AHRR: variants seen among roughly 807,000 people sequenced by gnomAD.
AHRR encodes aryl hydrocarbon receptor repressor.
Under a neutral mutation model 44.0 loss-of-function variants are expected in AHRR, and 28 were observed. That is an observed-to-expected ratio of 0.64 (90% confidence interval 0.47 to 0.87). The LOEUF is 0.87. Among genes scored for constraint, AHRR ranks in the 40% least tolerant of loss-of-function variants. The pLI is 0.00. For missense variants in AHRR, 990 were observed against 953.9 expected (o/e 1.04, Z -0.50); for synonymous variants, 434 against 407.0 (o/e 1.07, Z -0.80).
At chr5:430,742 C>T (rs1736685932) in intron 8 of AHRR, among the ~76,000 whole-genome samples, 1 of 152,230 alleles carries the variant, frequency 6.6e-6, no homozygotes, top group South Asian at 2.1e-4. Context: ...TGCCTGGGCC[C>T]TGCTAGCCCC....
intron 4 of AHRR, among the ~76,000 whole-genome samples, chr5:397,955 CT>C (rs1426557409): frequency 7.8e-6 from 1 of 128,914 alleles, no homozygotes; most frequent in African/African-American, 3.0e-5. Flanking sequence ...CACGTAGCCC[CT>C]GACCATCCAC....
intron 5 of AHRR, among the ~76,000 whole-genome samples, chr5:417,085 C>A (rs188405522): frequency 3.9e-5 from 4 of 102,244 alleles, no homozygotes; most frequent in African/African-American, 1.2e-4. Flanking sequence ...TAGAGAAGGC[C>A]GCTTGGTCCG....
Position 323,746 on chromosome 5 carries a change from G to A in AHRR, c.-11+1927G>A, listed in dbSNP as rs566848282. Reference sequence around the variant, plus strand: ...TTTGCAATGCAGTTGGAGAGATGCCGCCGGGTGGCCCTGACCAGTGTTAAG... The same window carrying A: ...TTTGCAATGCAGTTGGAGAGATGCCACCGGGTGGCCCTGACCAGTGTTAAG... On this transcript the variant is annotated intron_variant, in intron 1 of 10. Coordinates refer to ENST00000684583, the MANE Select transcript of AHRR (RefSeq NM_001377236.1). 8.9e-4 allele frequency among the ~76,000 whole-genome samples: 136 copies of A among 152,306 alleles called. 1 individual carries two copies. The highest frequency in any genetic ancestry group is 3.1e-3 in the African/African-American group (128 of 41,572).
intron 4 of AHRR, among the ~76,000 whole-genome samples, chr5:407,486 G>T (rs1179863923): frequency 1.3e-5 from 2 of 152,126 alleles, no homozygotes; most frequent in Non-Finnish European, 2.9e-5. Flanking sequence ...GTTTGTAAAG[G>T]TTATGGGTAT....
chr5:391,417 G>C (rs567741731), intron 4 of AHRR, among the ~76,000 whole-genome samples: 19 of 115,650 alleles, frequency 1.6e-4, no homozygotes, highest in Non-Finnish European at 8.2e-5. Flanking sequence ...GGGCCAGAGC[G>C]TGCACGGGGG....
chr5:426,225 A>G (rs28651705), intron 7 of AHRR, among the ~76,000 whole-genome samples: 6 of 151,954 alleles, frequency 3.9e-5, no homozygotes, highest in African/African-American at 1.4e-4. Flanking sequence ...TGAATGGATG[A>G]ATGGATGGTT....
At chr5:407,352 G>A (rs1735305970) in intron 4 of AHRR, among the ~76,000 whole-genome samples, 1 of 152,056 alleles carries the variant, frequency 6.6e-6, no homozygotes, top group Non-Finnish European at 1.5e-5. Flanking sequence ...GAGATGTTTT[G>A]AAGTTTTCTT....
At chr5:424,971 G>T (rs1192226003) in intron 7 of AHRR, among the ~76,000 whole-genome samples, 1 of 152,194 alleles carries the variant, frequency 6.6e-6, no homozygotes, top group East Asian at 1.9e-4. Context: ...CTGGGTCATG[G>T]CCCCTCAGAG....
intron 1 of AHRR, chr5:343,664 C>T: frequency 2.0e-6 from 1 of 506,554 alleles, no homozygotes; most frequent in East Asian, 3.7e-5. Context: ...ACCCGCCTGA[C>T]ACCGAGGGGA....
chr5:359,698 C>T (rs1299556841), intron 3 of AHRR, among the ~76,000 whole-genome samples: 3 of 152,106 alleles, frequency 2.0e-5, no homozygotes, highest in Admixed American at 6.5e-5. Context: ...GGGGCCTGAA[C>T]ACACACCTGT....
intron 8 of AHRR, among the ~76,000 whole-genome samples, chr5:431,047 G>T (rs1473571412): frequency 2.6e-5 from 4 of 152,190 alleles, no homozygotes; most frequent in African/African-American, 9.6e-5. Flanking sequence ...TCCGCTTACC[G>T]TCACCGTGGA....
chr5:393,929 A>G (rs970308036), intron 4 of AHRR, among the ~76,000 whole-genome samples: 2 of 152,036 alleles, frequency 1.3e-5, no homozygotes, highest in Admixed American at 6.5e-5. Context: ...CGCCCGGCCT[A>G]TTGCAGTGTT....
At chr5:346,360 T>C (rs1412969468) in intron 2 of AHRR, among the ~76,000 whole-genome samples, 1 of 152,164 alleles carries the variant, frequency 6.6e-6, no homozygotes, top group Non-Finnish European at 1.5e-5. Context: ...AAAACACCAA[T>C]ACATAAAACG....
intron 4 of AHRR, among the ~76,000 whole-genome samples, chr5:378,040 C>T (rs1733815457): frequency 6.6e-6 from 1 of 152,198 alleles, no homozygotes; most frequent in Admixed American, 6.5e-5. Flanking sequence ...GGTTCATGTC[C>T]TCTGGCCCAC....
At chr5:372,631 G>A (rs1324534171) in intron 3 of AHRR, among the ~76,000 whole-genome samples, 1 of 152,148 alleles carries the variant, frequency 6.6e-6, no homozygotes, top group Admixed American at 6.5e-5. Context: ...CAGTGGCAGG[G>A]GTGCGTGATC....
chr5:418,495 G>A (rs2126524173), intron 5 of AHRR, among the ~76,000 whole-genome samples: 1 of 152,272 alleles, frequency 6.6e-6, no homozygotes, highest in Admixed American at 6.5e-5. Context: ...GTGCCATCTG[G>A]CCTCGGTTCA....
chr5:399,168 C>T (rs1734903375), intron 4 of AHRR, among the ~76,000 whole-genome samples: 1 of 152,242 alleles, frequency 6.6e-6, no homozygotes, highest in Non-Finnish European at 1.5e-5. Context: ...CCCAGGCCAA[C>T]TCTAGCCCCA....
Position 433,911 on chromosome 5 carries a change from A to G in AHRR, c.1171A>G (p.Arg391Gly). ...LSRASGVTGRRETPGPTKPLP... is the reference protein window; with the variant it reads ...LSRASGVTGRGETPGPTKPLP... ...CAGGGCCTCTGGAGTGACAGGGCGG[A>G]GGGAGACTCCAGGACCCACAAAGCC... Residue 391 changes from arginine (R) to glycine (G), a missense_variant, in exon 11 of 11, where the codon AGG becomes GGG. Arg to Gly is a moderately radical substitution (Grantham distance 125, BLOSUM62 -2). Coordinates refer to ENST00000684583, the MANE Select transcript of AHRR (RefSeq NM_001377236.1). 6.6e-7 allele frequency: 1 copy of G among 1,526,102 alleles called. No homozygotes were observed. The highest frequency in any genetic ancestry group is 8.8e-7 in the Non-Finnish European group (1 of 1,137,708). The allele number at this position is 1,526,102 out of a possible 1,614,324, so 94.5% of individuals were successfully genotyped here. A position where few individuals can be genotyped will look rare whatever the true frequency, so the allele number is the denominator to read the frequency against.
rs905425585 is a variant in AHRR, at chr5:388,907, C to T, written c.351+12191C>T. Among the ~76,000 whole-genome samples, 2 of 152,138 alleles carry T rather than the reference C, an allele frequency of 1.3e-5. No homozygotes were observed. Among genetic ancestry groups the T allele is most frequent in the African/African-American group, 2.4e-5 (1 of 41,442 alleles). On this transcript the variant is annotated intron_variant, in intron 4 of 10. Coordinates refer to ENST00000684583, the MANE Select transcript of AHRR (RefSeq NM_001377236.1). The surrounding 1 kb of genome is among the most constrained non-coding windows in gnomAD (Gnocchi z 5.2). ...AAGCAGCAGGTGCGGAGGGTTTCCG[C>T]CGGTGCCTCGCACAGGAGAGAAGAT...
Sources: gnomAD v4.1 joint callset for allele counts (sites outside exome capture counted in the v4.1 genomes callset) on GRCh38, gnomAD v4.1.1 for gene constraint, Gnocchi (gnomAD v3.1) non-coding constraint, MANE v1.5 for transcripts, NCBI Gene and HGNC (gene_info 2026-07-23, HGNC 2026-07-21) for gene names.